Variants in PNPLA7 observed in about 807,000 individuals in gnomAD.
PNPLA7 encodes patatin-like phospholipase domain-containing protein 7.
PNPLA7 carries 153 observed loss-of-function variants against 161.7 expected under a neutral mutation model. The observed-to-expected ratio is 0.95, with a 90% CI of 0.83 to 1.08. PNPLA7 has a LOEUF of 1.08. Ranked by LOEUF, PNPLA7 falls within the 50% of genes least tolerant of loss-of-function variation. PNPLA7 has a pLI of 0.00. For missense variants in PNPLA7, 1,739 were observed against 1,856.6 expected, an observed-to-expected ratio of 0.94 and a Z score of 1.16; for synonymous variants, 809 against 782.1, an observed-to-expected ratio of 1.03 and a Z score of -0.57.
chr9:137,515,828 T>G (rs1200706593), intron 11 of PNPLA7, among the ~76,000 whole-genome samples: 4 of 33,346 alleles, frequency 1.2e-4, no homozygotes, highest in Non-Finnish European at 2.2e-4. Flanking sequence ...TCAATCCCTC[T>G]CCCCCAAATG....
intron 25 of PNPLA7, among the ~76,000 whole-genome samples, chr9:137,474,367 C>A (rs1831843999): frequency 6.6e-6 from 1 of 152,176 alleles, no homozygotes; most frequent in Non-Finnish European, 1.5e-5. Context: ...TGGAAGCTGG[C>A]CCGGCACTGC....
rs1213709511 is a variant in PNPLA7 at position 137,479,211 on chromosome 9, C to G, written c.2608G>C (p.Val870Leu). The change falls in exon 24 of 35, where the codon GTG (valine) becomes CTG (leucine). Residue 870 changes from valine to leucine, a missense_variant. Transcript: ENST00000406427. ...ELERMLESTA[V>L]RAQKQLILLH... ...AGGATCAGCTGCTTCTGGGCACGCA[C>G]AGCTGTGCTCTCCAGCATCCGCTCC... 1.9e-6 allele frequency: 3 copies of G among 1,551,806 alleles called. No individual in the cohort carries two copies. Among genetic ancestry groups the G allele is most frequent in the Non-Finnish European group, 2.6e-6 (3 of 1,148,176 alleles).
rs375640129 is a variant in PNPLA7, at chr9:137,499,263, T to G, written c.1758-1018A>C. 7.2e-6 allele frequency among the ~76,000 whole-genome samples: 1 copy of G among 139,624 alleles called. No homozygotes were observed. 91.6% of individuals were successfully genotyped at this position (139,624 alleles called of 152,430 possible). A position where few individuals can be genotyped will look rare whatever the true frequency, so the allele number is the denominator to read the frequency against. ...ACACACAGACACAAGGAGACACACA[T>G]GGACACATGTAGACACAGAGACAGA... On this transcript the variant is annotated intron_variant, in intron 16 of 34. Transcript: ENST00000406427. The surrounding 1 kb of genome is among the most constrained non-coding windows in gnomAD (Gnocchi z 5.5).
intron 8 of PNPLA7, among the ~76,000 whole-genome samples, chr9:137,530,972 C>T (rs1307906074): frequency 3.3e-5 from 5 of 152,188 alleles, no homozygotes; most frequent in African/African-American, 1.2e-4. Context: ...GGGCCCCGCA[C>T]ATCGAGCACA....
chr9:137,461,460 G>T, intron 33 of PNPLA7, 76 bp downstream of exon 33: 14 of 1,438,706 alleles, frequency 9.7e-6, no homozygotes, highest in Non-Finnish European at 1.3e-5. Flanking sequence ...GGCCTCTGGG[G>T]TGGGGGGGTT....
chr9:137,513,043 CAAGA>C (rs953585104), intron 12 of PNPLA7, among the ~76,000 whole-genome samples: 1 of 151,226 alleles, frequency 6.6e-6, no homozygotes, highest in African/African-American at 2.4e-5. Context: ...ACAAAAAAAG[CAAGA>C]GAGAGATGAC....
At position 137,522,794 on chromosome 9, in the gene PNPLA7, G is replaced by A; in HGVS notation, c.811C>T (p.Leu271Phe). ...RAAIPSTILRLPAAAFHGVFE... is the reference protein window; with the variant it reads ...RAAIPSTILRFPAAAFHGVFE... ...ACTCCATGAAAAGCCGCAGCTGGAA[G>A]CCGGAGGATGGTGGACGGGATGGCC... Residue 271 changes from leucine to phenylalanine, a missense_variant, in exon 9 of 35, where the codon CTT becomes TTT. Coordinates refer to ENST00000406427, the MANE Select transcript of PNPLA7 (RefSeq NM_001098537.3). 1 of 1,613,908 alleles carries A rather than the reference G, an allele frequency of 6.2e-7. No homozygotes were observed. Among genetic ancestry groups the A allele is most frequent in the Non-Finnish European group, 8.5e-7 (1 of 1,180,004 alleles).
chr9:137,505,312 A>G (rs989090064), intron 14 of PNPLA7, among the ~76,000 whole-genome samples: 3 of 152,180 alleles, frequency 2.0e-5, no homozygotes, highest in Admixed American at 2.0e-4. Flanking sequence ...AAAATGTCAT[A>G]CTACAATAAT....
chr9:137,483,302 T>C (rs1379088275), intron 21 of PNPLA7, among the ~76,000 whole-genome samples: 1 of 152,198 alleles, frequency 6.6e-6, no homozygotes, highest in African/African-American at 2.4e-5. Context: ...CGAAGATGTT[T>C]TTGGACATAC....
chr9:137,480,748 G>A (rs967155023), intron 22 of PNPLA7: 33 of 735,726 alleles, frequency 4.5e-5, no homozygotes, highest in African/African-American at 1.2e-4. Context: ...GGAAGCGGGG[G>A]CTGGGGTCCC....
At chr9:137,481,430 A>G (rs1588565064) in intron 21 of PNPLA7, among the ~76,000 whole-genome samples, 1 of 152,354 alleles carries the variant, frequency 6.6e-6, no homozygotes, top group African/African-American at 2.4e-5. Context: ...CCAGACGCCA[A>G]GAGGCCAGGG....
At chr9:137,485,997 C>T (rs182137398) in intron 20 of PNPLA7, among the ~76,000 whole-genome samples, 6 of 151,900 alleles carry the variant, frequency 3.9e-5, no homozygotes, top group South Asian at 4.2e-4. Context: ...CTGAGGCCAC[C>T]GCGCCACCAG....
At chr9:137,503,886 AAGG>A (rs1833715445) in intron 14 of PNPLA7, among the ~76,000 whole-genome samples, 1 of 133,354 alleles carries the variant, frequency 7.5e-6, no homozygotes, top group African/African-American at 2.6e-5. Flanking sequence ...AAGAAAGAAG[AAGG>A]AAGAAGAAGA....
chr9:137,515,425 C>A lies in PNPLA7; in HGVS notation c.1179G>T (p.Glu393Asp), dbSNP rs3750379. ...APSIRKQILEELEKPGAGDPD... is the reference protein window; with the variant it reads ...APSIRKQILEDLEKPGAGDPD... ...GGTCACCTGCCCCGGGCTTCTCCAG[C>A]TCCTCCAAGATCTGTTTGCGAATGG... Residue 393 changes from glutamate (E) to aspartate (D), a missense_variant, in exon 12 of 35, where the codon GAG (glutamate) becomes GAT (aspartate). Transcript: ENST00000406427. 0.015 allele frequency: 24,172 copies of A among 1,603,896 alleles called. 2,110 individuals are homozygous for A. The African/African-American group carries it at 0.22, about 15-fold the overall frequency.
chr9:137,501,534 G>A (rs547181602), intron 15 of PNPLA7, 116 bp downstream of exon 15: 29 of 991,188 alleles, frequency 2.9e-5, no homozygotes, highest in East Asian at 2.1e-4. Context: ...GCAGTGGCCC[G>A]GTGCTGGGAG....
chr9:137,546,007 T>A lies in PNPLA7; in HGVS notation c.273+823A>T, dbSNP rs538768348. The stretch of plus-strand genomic sequence containing the variant: ...GTGGAGGGCCTGACATCAGTCAGGT[T>A]CGCCCGCAGTTATCCGGAGGCCTAA... On this transcript the variant is annotated intron_variant, in intron 4 of 34. Coordinates refer to ENST00000406427, the MANE Select transcript of PNPLA7 (RefSeq NM_001098537.3). 6.1e-4 allele frequency among the ~76,000 whole-genome samples: 93 copies of A among 152,210 alleles called. 1 individual carries two copies. In the East Asian group the frequency reaches 0.012, roughly 20 times the overall value.
In PNPLA7 at chr9:137,483,926, C is replaced by G. The variant is rs563275366; in HGVS notation, c.2347+661G>C. ...TGTTTTATAATAATTATACAACATT[C>G]ATTGCATTTATTATTATTATTATTT... On this transcript the variant is annotated intron_variant, in intron 21 of 34. Coordinates refer to ENST00000406427, the MANE Select transcript of PNPLA7 (RefSeq NM_001098537.3). Among the ~76,000 whole-genome samples, 74 of 152,122 alleles carry G rather than the reference C, an allele frequency of 4.9e-4. 2 individuals are homozygous for G. The South Asian group carries it at 0.014, about 29-fold the overall frequency.
At chr9:137,518,952 T>C (rs796813456) in intron 11 of PNPLA7, among the ~76,000 whole-genome samples, 4 of 108,230 alleles carry the variant, frequency 3.7e-5, no homozygotes, top group Non-Finnish European at 7.4e-5. Context: ...CACTCCATCC[T>C]CACTCACTCA....
intron 9 of PNPLA7, 38 bp from the exon 10 acceptor site, chr9:137,521,754 TG>T: frequency 1.3e-6 from 2 of 1,586,060 alleles, no homozygotes; most frequent in Non-Finnish European, 8.6e-7. Flanking sequence ...ACCACCGGCC[TG>T]GGGTACAGGG....
Sources: gnomAD v4.1 joint callset for allele counts (sites outside exome capture counted in the v4.1 genomes callset) on GRCh38, gnomAD v4.1.1 for gene constraint, Gnocchi (gnomAD v3.1) non-coding constraint, MANE v1.5 for transcripts, NCBI Gene and HGNC (gene_info 2026-07-23, HGNC 2026-07-21) for gene names.